OR7E24: variants seen among roughly 807,000 people sequenced by gnomAD.
The protein encoded by OR7E24 is olfactory receptor 7E24.
For missense variants in OR7E24, 385 were observed against 410.3 expected (o/e 0.94, Z 0.53); for synonymous variants, 130 against 157.5 (o/e 0.83, Z 1.31).
the OR7E24 span, among the ~76,000 whole-genome samples, chr19:9,226,454 AG>A: frequency 5.9e-5 from 9 of 152,182 alleles, no homozygotes; most frequent in Non-Finnish European, 1.3e-4. Context: ...AAAGAGGCAA[AG>A]GCAGAGGAGA....
At chr19:9,210,003 C>G in the OR7E24 span, 2 of 152,162 alleles carry the variant, frequency 1.3e-5, no homozygotes, top group African/African-American at 2.4e-5. Context: ...GATGTGATAA[C>G]AACTAAGAGT....
upstream of OR7E24, chr19:9,250,859 G>A: frequency 1.9e-6 from 1 of 535,492 alleles, no homozygotes; most frequent in East Asian, 3.1e-5. Context: ...TCAATAGACT[G>A]TCTCTAAGTT....
the OR7E24 span, among the ~76,000 whole-genome samples, chr19:9,224,421 A>C: frequency 6.6e-6 from 1 of 152,160 alleles, no homozygotes; most frequent in Non-Finnish European, 1.5e-5. Context: ...GCATAGCCTC[A>C]TTCTAGAATC....
chr19:9,235,815 C>T, the OR7E24 span: 1 of 1,611,622 alleles, frequency 6.2e-7, no homozygotes, highest in Non-Finnish European at 8.5e-7. Context: ...TTGTCTCCTC[C>T]TTAATGAGAA....
At chr19:9,218,485 T>C in the OR7E24 span, among the ~76,000 whole-genome samples, 1 of 152,148 alleles carries the variant, frequency 6.6e-6, no homozygotes, top group Non-Finnish European at 1.5e-5. Flanking sequence ...CCAAGGACAA[T>C]TGCTTAACCC....
At chr19:9,250,121 G>T (rs1290316786), upstream of OR7E24, among the ~76,000 whole-genome samples, 1 of 151,964 alleles carries the variant, frequency 6.6e-6, no homozygotes, top group South Asian at 2.1e-4. Context: ...AATAGTCAAG[G>T]TCTCACTCTG....
chr19:9,235,639 C>T, the OR7E24 span: 109 of 1,584,790 alleles, frequency 6.9e-5, 1 homozygote, highest in Middle Eastern at 3.3e-4. Context: ...GATGAAGAGG[C>T]TGACCTTCTC....
At chr19:9,238,237 TGACAGAGCAAGTG>T in the OR7E24 span, among the ~76,000 whole-genome samples, 1 of 152,078 alleles carries the variant, frequency 6.6e-6, no homozygotes, top group African/African-American at 2.4e-5. Context: ...TGCATCACTG[TGACAGAGCAAGTG>T]ACAGCCTGGG....
chr19:9,245,374 A>G (rs1319891838), upstream of OR7E24, among the ~76,000 whole-genome samples: 1 of 152,196 alleles, frequency 6.6e-6, no homozygotes, highest in East Asian at 1.9e-4. Context: ...TAGGATGGCT[A>G]TTAAGAACAA....
At chr19:9,220,347 A>G in the OR7E24 span, among the ~76,000 whole-genome samples, 1 of 151,782 alleles carries the variant, frequency 6.6e-6, no homozygotes, top group East Asian at 1.9e-4. Context: ...CACCAACACT[A>G]CTCCTCAACC....
At chr19:9,226,633 T>C in the OR7E24 span, among the ~76,000 whole-genome samples, 1 of 152,242 alleles carries the variant, frequency 6.6e-6, no homozygotes, top group Non-Finnish European at 1.5e-5. Flanking sequence ...TACATTGATT[T>C]CTTTATTACG....
chr19:9,232,636 T>G, the OR7E24 span, among the ~76,000 whole-genome samples: 7 of 146,508 alleles, frequency 4.8e-5, no homozygotes, highest in East Asian at 1.5e-3. Flanking sequence ...AGACACCACC[T>G]CCTCAAGCTT....
chr19:9,251,324 C>T lies in OR7E24; in HGVS notation c.281C>T (p.Thr94Ile). The change falls in exon 1 of 1, where the codon ACC (threonine) becomes ATC (isoleucine). Residue 94 changes from threonine to isoleucine, a missense_variant. By Grantham distance (89) the Thr-to-Ile change is moderately conservative (BLOSUM62 -1). Transcript: ENST00000456448. ...TTGGCTGACATCGGTTTCACCTCCACCACGGTCCCCAAGATGATTGTGGAC... is the reference window on the plus strand; with the variant it reads ...TTGGCTGACATCGGTTTCACCTCCATCACGGTCCCCAAGATGATTGTGGAC... ...LSLADIGFTS[T>I]TVPKMIVDMQ... is the part of the protein sequence containing the mutation. 2.5e-6 allele frequency: 4 copies of T among 1,614,134 alleles called. No individual in the cohort carries two copies. Among genetic ancestry groups the T allele is most frequent in the Non-Finnish European group, 3.4e-6 (4 of 1,180,020 alleles).
At position 9,251,485 on chromosome 19, in the gene OR7E24, C is replaced by T. The variant is rs1443150515; in HGVS notation, c.442C>T (p.Leu148=). The change falls in exon 1 of 1, where the codon CTG becomes TTG. Residue 148 remains leucine, a synonymous_variant. Coordinates refer to ENST00000456448, the MANE Select transcript of OR7E24 (RefSeq NM_001079935.2). ...YDRFVAICHP[L]HYRIIMNPRL... Reference sequence around the variant, plus strand: ...CCGGTTTGTGGCCATCTGTCACCCCCTGCACTACCGAATCATCATGAACCC... The same window carrying T: ...CCGGTTTGTGGCCATCTGTCACCCCTTGCACTACCGAATCATCATGAACCC... 5 of 1,614,146 alleles carry T rather than the reference C, an allele frequency of 3.1e-6. No homozygotes were observed. The highest frequency in any genetic ancestry group is 3.4e-6 in the Non-Finnish European group (4 of 1,180,020).
At position 9,251,737 on chromosome 19, in the gene OR7E24, A is replaced by T. The variant is rs767922896; in HGVS notation, c.694A>T (p.Ile232Phe). The T allele has an allele frequency of 6.2e-6, 10 of 1,612,526 alleles. No homozygotes were observed. In the South Asian group the frequency reaches 1.1e-4, roughly 18 times the overall value. Residue 232 changes from isoleucine to phenylalanine, a missense_variant, in exon 1 of 1, where the codon ATC (isoleucine) becomes TTC (phenylalanine). Coordinates refer to ENST00000456448, the MANE Select transcript of OR7E24 (RefSeq NM_001079935.2). ...ATTTGGCTGTCTCCCTATCTCAGGG[A>T]TCCTTTTCTCTTACTATAAAATTGT... ...AIFGCLPISG[I>F]LFSYYKIVSP...
At chr19:9,214,724 C>T in the OR7E24 span, 61 of 1,613,978 alleles carry the variant, frequency 3.8e-5, no homozygotes, top group African/African-American at 1.9e-4. Context: ...TCCCCAGCAC[C>T]GTGACCAGGT....
the OR7E24 span, among the ~76,000 whole-genome samples, chr19:9,215,926 G>A: frequency 1.2e-4 from 19 of 152,122 alleles, no homozygotes; most frequent in African/African-American, 3.6e-4. Flanking sequence ...ACAGAAAGAT[G>A]TTTAATGGAC....
chr19:9,250,381 C>A (rs571825367), upstream of OR7E24, among the ~76,000 whole-genome samples: 1 of 152,292 alleles, frequency 6.6e-6, no homozygotes, highest in East Asian at 1.9e-4. Context: ...AGGTGTGAGC[C>A]ACCACCCTGG....
chr19:9,240,931 C>T, the OR7E24 span, among the ~76,000 whole-genome samples: 1 of 152,116 alleles, frequency 6.6e-6, no homozygotes, highest in Non-Finnish European at 1.5e-5. Flanking sequence ...GATTCTCCTG[C>T]CTCAGCCTCC....
Sources: gnomAD v4.1 joint callset for allele counts (sites outside exome capture counted in the v4.1 genomes callset) on GRCh38, gnomAD v4.1.1 for gene constraint, MANE v1.5 for transcripts, NCBI Gene and HGNC (gene_info 2026-07-23, HGNC 2026-07-21) for gene names.